Variants in PLOD2 observed in about 807,000 individuals in gnomAD.
The protein encoded by PLOD2 is procollagen-lysine,2-oxoglutarate 5-dioxygenase 2.
A neutral mutation model predicts 101.0 loss-of-function variants in PLOD2; 65 were observed. That is an observed-to-expected ratio of 0.64 (90% CI 0.53 to 0.79). PLOD2 has a LOEUF of 0.79. PLOD2 is among the 30% of genes least tolerant of loss of function. The pLI is 0.00. For missense variants in PLOD2, 909 were observed against 914.6 expected, an observed-to-expected ratio of 0.99 and a Z score of 0.08; for synonymous variants, 314 against 302.9, an observed-to-expected ratio of 1.04 and a Z score of -0.38.
chr3:146,085,477 C>T, intron 10 of PLOD2: 1 of 544,664 alleles, frequency 1.8e-6, no homozygotes, highest in South Asian at 2.8e-5. Flanking sequence ...TCACAGGGAG[C>T]TCACCTCTAA....
At chr3:146,153,168 C>A (rs11717610) in intron 1 of PLOD2, among the ~76,000 whole-genome samples, 1 of 151,948 alleles carries the variant, frequency 6.6e-6, no homozygotes, top group Non-Finnish European at 1.5e-5. Context: ...AGAACCCATC[C>A]GCCCTCTTCA....
intron 4 of PLOD2, among the ~76,000 whole-genome samples, chr3:146,107,924 G>A (rs989355051): frequency 9.2e-5 from 14 of 151,896 alleles, no homozygotes; most frequent in East Asian, 1.9e-4. Context: ...GATTAGAGGC[G>A]TGAGCCACCA....
At position 146,160,984 on chromosome 3, in the gene PLOD2, C is replaced by G. The variant is rs1559879041; in HGVS notation, c.6G>C (p.Gly2=). 6.3e-7 allele frequency: 1 copy of G among 1,578,788 alleles called. No homozygotes were observed. Among genetic ancestry groups the G allele is most frequent in the Non-Finnish European group, 8.6e-7 (1 of 1,161,850 alleles). Residue 2 remains glycine (G), a synonymous_variant, in exon 1 of 20, where the codon GGG becomes GGC. Transcript: ENST00000282903. M[G]GCTVKPQLLL... ...GCAGCTGAGGCTTCACCGTGCATCC[C>G]CCCATATTCGGCCCTCGAGGGCCGC... is the stretch of plus-strand genomic sequence containing the variant.
intron 3 of PLOD2, among the ~76,000 whole-genome samples, chr3:146,119,406 A>G (rs1035599272): frequency 2.0e-5 from 3 of 151,898 alleles, no homozygotes; most frequent in African/African-American, 7.3e-5. Flanking sequence ...GAACTGATTA[A>G]TACAATAGTT....
chr3:146,144,716 A>G (rs1269662925), intron 1 of PLOD2, among the ~76,000 whole-genome samples: 1 of 152,118 alleles, frequency 6.6e-6, no homozygotes, highest in Non-Finnish European at 1.5e-5. Flanking sequence ...CATGGCTTGA[A>G]GAATATTCAA....
chr3:146,148,334 G>GCACACACA (rs1553742411), intron 1 of PLOD2, among the ~76,000 whole-genome samples: 1 of 25,504 alleles, frequency 3.9e-5, no homozygotes, highest in African/African-American at 1.1e-4. Context: ...AGGCAGGCAG[G>GCACACACA]CACGCACACA....
intron 3 of PLOD2, among the ~76,000 whole-genome samples, chr3:146,112,433 G>C (rs1481348005): frequency 2.0e-5 from 3 of 152,008 alleles, no homozygotes; most frequent in Non-Finnish European, 4.4e-5. Flanking sequence ...TCACTCATAA[G>C]TGGGAGCTGA....
chr3:146,107,317 C>T (rs185960673), intron 4 of PLOD2, among the ~76,000 whole-genome samples: 38 of 152,176 alleles, frequency 2.5e-4, no homozygotes, highest in African/African-American at 4.6e-4. Flanking sequence ...GCATTAAGAC[C>T]GCCAATAACA....
At chr3:146,119,891 C>T (rs1011669725) in intron 3 of PLOD2, among the ~76,000 whole-genome samples, 4 of 152,074 alleles carry the variant, frequency 2.6e-5, no homozygotes, top group Non-Finnish European at 5.9e-5. Context: ...TGAATAGTGC[C>T]GCGATAAACA....
chr3:146,096,676 C>T (rs1388454427), intron 7 of PLOD2, among the ~76,000 whole-genome samples: 2 of 131,360 alleles, frequency 1.5e-5, no homozygotes, highest in East Asian at 2.5e-4. Flanking sequence ...AGTGAGGAGC[C>T]CCTCCGTCCG....
intron 3 of PLOD2, among the ~76,000 whole-genome samples, chr3:146,115,497 C>T (rs1937865268): frequency 6.6e-6 from 1 of 151,986 alleles, no homozygotes; most frequent in South Asian, 2.1e-4. Flanking sequence ...CCCTTCACTC[C>T]TCTCTTTCCA....
intron 10 of PLOD2, 53 bp from the exon 11 acceptor site, chr3:146,085,326 G>C: frequency 2.3e-6 from 2 of 887,110 alleles, no homozygotes; most frequent in South Asian, 2.7e-5. Flanking sequence ...AATATCTGCT[G>C]ACTGAAAAAT....
At chr3:146,080,511 TAC>T (rs113587025) in intron 12 of PLOD2, among the ~76,000 whole-genome samples, 1 of 150,486 alleles carries the variant, frequency 6.6e-6, no homozygotes, top group South Asian at 2.1e-4. Flanking sequence ...TTTCAACTTA[TAC>T]ACACACACAT....
chr3:146,112,301 T>G (rs953529355), intron 3 of PLOD2, among the ~76,000 whole-genome samples: 1 of 152,118 alleles, frequency 6.6e-6, no homozygotes, highest in Non-Finnish European at 1.5e-5. Context: ...ATATACAACA[T>G]GGAATACTAT....
Position 146,072,275 on chromosome 3 carries a change from CAT to C in PLOD2, c.1848+284_1848+285del, listed in dbSNP as rs3840209. Among the ~76,000 whole-genome samples, 77,801 of 151,056 alleles carry C rather than the reference CAT, an allele frequency of 0.52. 20,103 individuals are homozygous for C. The highest frequency in any genetic ancestry group is 0.56 in the East Asian group (2,884 of 5,108). ...AAAGAGTGACATCACTCTGTAAAGA[CAT>C]GTGTTACCTAACAAACTCTGGCCTG... is the stretch of plus-strand genomic sequence containing the variant. On this transcript the variant is annotated intron_variant, in intron 17 of 19. Transcript: ENST00000282903.
At chr3:146,107,033 G>A (rs555691690) in intron 4 of PLOD2, among the ~76,000 whole-genome samples, 7 of 152,196 alleles carry the variant, frequency 4.6e-5, no homozygotes, top group African/African-American at 1.2e-4. Flanking sequence ...GATTCTCTGC[G>A]GAGAACTCAC....
At chr3:146,105,585 G>T (rs909356316) in intron 5 of PLOD2, among the ~76,000 whole-genome samples, 1 of 152,182 alleles carries the variant, frequency 6.6e-6, no homozygotes, top group East Asian at 1.9e-4. Flanking sequence ...ACTGTCTTTT[G>T]AGTGGCTTTA....
At chr3:146,073,056 C>G (rs1315710733) in intron 16 of PLOD2, among the ~76,000 whole-genome samples, 2 of 151,538 alleles carry the variant, frequency 1.3e-5, no homozygotes, top group Admixed American at 6.6e-5. Flanking sequence ...AAAGCTATGA[C>G]ACATAGGAGC....
chr3:146,082,126 T>TA (rs1360180236), intron 11 of PLOD2, among the ~76,000 whole-genome samples: 1 of 152,156 alleles, frequency 6.6e-6, no homozygotes, highest in African/African-American at 2.4e-5. Flanking sequence ...AATGAATACA[T>TA]AAAAATGACT....
Sources: allele counts gnomAD v4.1 joint callset (sites outside exome capture counted in the v4.1 genomes callset), GRCh38; gene constraint gnomAD v4.1.1; transcripts MANE v1.5; gene names NCBI Gene and HGNC (gene_info 2026-07-23, HGNC 2026-07-21).